The following STK11IP variants were observed in gnomAD, a reference collection of about 807,000 sequenced individuals.
The protein encoded by STK11IP is serine/threonine kinase 11 interacting protein.
Under a neutral mutation model 131.7 loss-of-function variants are expected in STK11IP, and 103 were observed. The ratio of observed to expected loss-of-function variants is 0.78; its 90% CI spans 0.67 to 0.92. The LOEUF (loss-of-function observed/expected upper bound fraction) is 0.92. STK11IP is among the 40% of genes least tolerant of loss of function. STK11IP has a pLI of 0.00. For missense variants in STK11IP, 1,315 were observed against 1,385.7 expected (o/e 0.95, Z 0.81); for synonymous variants, 557 against 575.6 (o/e 0.97, Z 0.46).
In STK11IP at chr2:219,613,234, G is replaced by A; in HGVS notation, c.2537+9G>A. 6.3e-7 allele frequency: 1 copy of A among 1,576,170 alleles called. No individual in the cohort carries two copies. On this transcript the variant is annotated intron_variant, in intron 20 of 24. Transcript: ENST00000456909. ...GTGACTGGGGAGATGCGGTGAGTGA[G>A]AGGGGAGATGCAGTGAGTAAGGGGG...
Position 219,616,112 on chromosome 2 carries a change from C to G in STK11IP, c.3186C>G (p.Ala1062=). The G allele has an allele frequency of 1.2e-6, 2 of 1,613,896 alleles. No homozygotes were observed. The highest frequency in any genetic ancestry group is 1.1e-5 in the South Asian group (1 of 91,086). The change falls in exon 25 of 25, where the codon GCC becomes GCG. Residue 1062 remains alanine (A), a synonymous_variant. Transcript: ENST00000456909. ...VCQEQLTALL[A]WIREPWEELF... ...AGGAGCAGCTGACAGCCCTGCTTGC[C>G]TGGATCCGGGAACCATGGGAGGAGC...
chr2:219,611,921 C>A, intron 18 of STK11IP, 34 bp from the exon 19 acceptor site: 2 of 1,575,488 alleles, frequency 1.3e-6, no homozygotes, highest in Non-Finnish European at 8.6e-7. Flanking sequence ...CAGGGGCTGC[C>A]ATGGGCAGGC....
At position 219,615,236 on chromosome 2, in the gene STK11IP, G is replaced by A. The variant is rs377313932; in HGVS notation, c.3012G>A (p.Pro1004=). 8.5e-5 allele frequency: 135 copies of A among 1,595,172 alleles called. No individual in the cohort carries two copies. Among genetic ancestry groups the A allele is most frequent in the African/African-American group, 6.7e-4 (50 of 74,844 alleles). ...CTGAGAAGGTGCCTCCCTCGGGGCCGGGCCCTGCTGTGCGTGTCAGGGAGC... is the reference window on the plus strand; with the variant it reads ...CTGAGAAGGTGCCTCCCTCGGGGCCAGGCCCTGCTGTGCGTGTCAGGGAGC... ...EASEKVPPSG[P]GPAVRVREQQ... Residue 1004 remains proline (P), a synonymous_variant, in exon 24 of 25, where the codon CCG becomes CCA. Coordinates refer to ENST00000456909, the MANE Select transcript of STK11IP (RefSeq NM_052902.4).
chr2:219,614,943 A>G (rs2106169117), intron 23 of STK11IP, 151 bp from the exon 24 acceptor site: 1 of 903,422 alleles, frequency 1.1e-6, no homozygotes. Flanking sequence ...AGCTTGGGAA[A>G]GGGAGGGTCT....
Position 219,607,038 on chromosome 2 carries a change from C to T in STK11IP, c.1135-15C>T, listed in dbSNP as rs200626395. On this transcript the variant is annotated splice_polypyrimidine_tract_variant and intron_variant, in intron 12 of 24. Transcript: ENST00000456909. ...GCTTGGCTTTCACAGAACTTCTTCCCTCCACCAACCTCAGAGCCGAGTCCG... is the reference window on the plus strand; with the variant it reads ...GCTTGGCTTTCACAGAACTTCTTCCTTCCACCAACCTCAGAGCCGAGTCCG... 1.4e-4 allele frequency: 224 copies of T among 1,613,844 alleles called. 1 individual carries two copies. The highest frequency in any genetic ancestry group is 8.2e-4 in the Middle Eastern group (5 of 6,062).
intron 13 of STK11IP, among the ~76,000 whole-genome samples, 200 bp downstream of exon 13, chr2:219,607,337 A>G (rs761823999): frequency 5.9e-5 from 9 of 152,108 alleles, no homozygotes; most frequent in Non-Finnish European, 1.2e-4. Context: ...AAACTTTTCG[A>G]GGAACATTAA....
At chr2:219,610,158 G>A (rs1698347470) in intron 17 of STK11IP, 2 of 154,494 alleles carry the variant, frequency 1.3e-5, no homozygotes, top group African/African-American at 2.4e-5. Flanking sequence ...TTTATTAGAC[G>A]GTTTTCTCTT....
At chr2:219,598,384 G>A (rs1697869990) in intron 2 of STK11IP, 2 of 489,022 alleles carry the variant, frequency 4.1e-6, no homozygotes, top group African/African-American at 2.0e-5. Context: ...GTCCTTTGAG[G>A]CCAAAGGGCG....
Position 219,602,528 on chromosome 2 carries a change from T to C in STK11IP, c.499T>C (p.Ser167Pro), listed in dbSNP as rs1263725627. The C allele has an allele frequency of 1.2e-6, 2 of 1,613,940 alleles. No homozygotes were observed. The highest frequency in any genetic ancestry group is 2.7e-5 in the African/African-American group (2 of 74,942). ...TGCCCTCCCTTGGCTGGCTCTGCTT[T>C]CTGCCAACTTCAGCTACAATGCACT... ...CSALPWLALLSANFSYNALTA... is the reference protein window; with the variant it reads ...CSALPWLALLPANFSYNALTA... The change falls in exon 6 of 25, where the codon TCT becomes CCT. Residue 167 changes from serine to proline, a missense_variant. Physicochemically the swap from Ser to Pro is moderately conservative, Grantham distance 74. Coordinates refer to ENST00000456909, the MANE Select transcript of STK11IP (RefSeq NM_052902.4).
At position 219,608,436 on chromosome 2, in the gene STK11IP, C is replaced by A; in HGVS notation, c.1603+6C>A. On this transcript the variant is annotated splice_donor_region_variant and intron_variant, in intron 14 of 24. Coordinates refer to ENST00000456909, the MANE Select transcript of STK11IP (RefSeq NM_052902.4). ...GGACCAGAAGGAAGTGGAAGGTGAGCCCTTTGTGGGCTGGGGCGAGCTGAG... is the reference window on the plus strand; with the variant it reads ...GGACCAGAAGGAAGTGGAAGGTGAGACCTTTGTGGGCTGGGGCGAGCTGAG... The A allele has an allele frequency of 6.4e-7, 1 of 1,551,528 alleles. No individual in the cohort carries two copies.
Position 219,614,404 on chromosome 2 carries a change from T to G in STK11IP, c.2799-72T>G, listed in dbSNP as rs1490528196. On this transcript the variant is annotated intron_variant, in intron 22 of 24. Coordinates refer to ENST00000456909, the MANE Select transcript of STK11IP (RefSeq NM_052902.4). ...CCTCCCAACCCCCTGCAGGGCTTTC[T>G]TCCCACTCCCCTCTCTTCAAGTCCT... 4 of 1,564,662 alleles carry G rather than the reference T, an allele frequency of 2.6e-6. No individual in the cohort carries two copies. In the Admixed American group the frequency reaches 6.7e-5, roughly 26 times the overall value.
chr2:219,606,195 C>G lies in STK11IP; in HGVS notation c.850C>G (p.Leu284Val). Reference protein sequence around the residue: ...PLWLLAELRKLYLEGNPLWFH... With the variant: ...PLWLLAELRKVYLEGNPLWFH... ...TCATTCTCCCCTTCCTGCCCCTCAG[C>G]TCTACCTGGAGGGGAACCCTCTTTG... Residue 284 changes from leucine to valine, a missense_variant and splice_region_variant, in exon 10 of 25, where the codon CTC becomes GTC. By Grantham distance (32) the Leu-to-Val change is conservative (BLOSUM62 1). Coordinates refer to ENST00000456909, the MANE Select transcript of STK11IP (RefSeq NM_052902.4). The G allele has an allele frequency of 6.4e-7, 1 of 1,561,906 alleles. No homozygotes were observed. Among genetic ancestry groups the G allele is most frequent in the Non-Finnish European group, 8.7e-7 (1 of 1,152,732 alleles).
chr2:219,613,972 TG>T, intron 21 of STK11IP, 42 bp downstream of exon 21: 1 of 394,374 alleles, frequency 2.5e-6, no homozygotes, highest in Non-Finnish European at 4.7e-6. Context: ...GGCAGGAGGG[TG>T]GGCAGGGCCT....
At chr2:219,603,036 G>GTTTTTTT (rs750626798) in intron 7 of STK11IP, among the ~76,000 whole-genome samples, 9 of 118,748 alleles carry the variant, frequency 7.6e-5, no homozygotes, top group South Asian at 2.8e-4. Flanking sequence ...AGAGTACCTG[G>GTTTTTTT]TTTTTTTTTT....
At chr2:219,613,651 G>T in intron 20 of STK11IP, 101 bp from the exon 21 acceptor site, 2 of 1,373,274 alleles carry the variant, frequency 1.5e-6, no homozygotes, top group Middle Eastern at 1.8e-4. Flanking sequence ...AGCGCACGGG[G>T]GTGATGCAGT....
chr2:219,606,719 C>T lies in STK11IP; in HGVS notation c.995C>T (p.Thr332Ile), dbSNP rs200649338. The T allele has an allele frequency of 2.6e-4, 425 of 1,608,754 alleles. No individual in the cohort carries two copies. The highest frequency in any genetic ancestry group is 3.5e-4 in the Non-Finnish European group (410 of 1,176,740). The change falls in exon 12 of 25, where the codon ACA becomes ATA. Residue 332 changes from threonine (T) to isoleucine (I), a missense_variant. Coordinates refer to ENST00000456909, the MANE Select transcript of STK11IP (RefSeq NM_052902.4). The stretch of plus-strand genomic sequence containing the variant: ...CCTGTCGTCACGTGCCAGACTCACA[C>T]ATCCTTGGGGCTCAGCCCCATGGGC... The part of the protein sequence containing the change: ...VLSLTDFQTH[T>I]SLGLSPMGPP...
At chr2:219,605,766 G>A in intron 8 of STK11IP, 32 bp downstream of exon 8, 1 of 1,590,610 alleles carries the variant, frequency 6.3e-7, no homozygotes, top group Non-Finnish European at 8.6e-7. Flanking sequence ...GGCAAGCATG[G>A]AGGGGAAGGG....
At chr2:219,608,902 G>A (rs1317930802) in intron 15 of STK11IP, 114 bp downstream of exon 15, 9 of 1,265,518 alleles carry the variant, frequency 7.1e-6, no homozygotes. Context: ...TAGGAGCCGA[G>A]GAGGGGAGCC....
chr2:219,598,203 T>C, intron 2 of STK11IP, 23 bp downstream of exon 2: 1 of 1,527,618 alleles, frequency 6.5e-7, no homozygotes, highest in Non-Finnish European at 8.8e-7. Context: ...CCGGTTGGGC[T>C]GGGCCTCGGA....
Sources: gnomAD v4.1 joint callset for allele counts (sites outside exome capture counted in the v4.1 genomes callset) on GRCh38, gnomAD v4.1.1 for gene constraint, MANE v1.5 for transcripts, NCBI Gene and HGNC (gene_info 2026-07-23, HGNC 2026-07-21) for gene names.